Variants in INPP4B observed in about 807,000 individuals in gnomAD.
INPP4B encodes inositol polyphosphate 4-phosphatase type II.
A neutral mutation model predicts 122.5 loss-of-function variants in INPP4B; 55 were observed. That is an observed-to-expected ratio of 0.45 (90% confidence interval 0.36 to 0.56). The LOEUF (loss-of-function observed/expected upper bound fraction) is 0.56. Ranked by LOEUF, INPP4B falls within the 20% of genes least tolerant of loss-of-function variation. The probability of loss-of-function intolerance (pLI) is 0.00; values close to 1 mark genes in which losing one functional copy is unlikely to be tolerated. For missense variants in INPP4B, 1,000 were observed against 1,097.7 expected (o/e 0.91, Z 1.26); for synonymous variants, 403 against 388.7 (o/e 1.04, Z -0.43).
At chr4:142,725,952 C>A (rs978502546) in intron 1 of INPP4B, 51 bp from the exon 2 acceptor site, 2 of 396,944 alleles carry the variant, frequency 5.0e-6, no homozygotes, top group South Asian at 2.6e-4. Context: ...CTTTTTTCCT[C>A]TTTAAATGCT....
At chr4:142,427,722 T>C (rs1029014646) in intron 5 of INPP4B, among the ~76,000 whole-genome samples, 4 of 152,034 alleles carry the variant, frequency 2.6e-5, no homozygotes, top group African/African-American at 7.2e-5. Context: ...TTATTTGTGC[T>C]TGGAAATATA....
intron 9 of INPP4B, 29 bp from the exon 10 acceptor site, chr4:142,270,803 G>A (rs373832157): frequency 4.8e-6 from 7 of 1,446,656 alleles, no homozygotes; most frequent in Non-Finnish European, 6.8e-6. Context: ...GAAATGGAAA[G>A]GTAAGAAGCT....
At position 142,729,135 on chromosome 4, in the gene INPP4B, G is replaced by A. The variant is rs534660198; in HGVS notation, c.-253-3234C>T. Among the ~76,000 whole-genome samples the A allele has an allele frequency of 6.8e-4, 103 of 152,202 alleles. 2 individuals are homozygous for A. Among genetic ancestry groups the A allele is most frequent in the African/African-American group, 1.7e-3 (69 of 41,542 alleles). ...CCCTTGCATGTGCAGCTCACAAGAG[G>A]GTTCATGCTCCTATGAGAATCTAAT... is the stretch of plus-strand genomic sequence containing the variant. On this transcript the variant is annotated intron_variant, in intron 1 of 25. Coordinates refer to ENST00000262992, the MANE Select transcript of INPP4B (RefSeq NM_001101669.3).
intron 7 of INPP4B, among the ~76,000 whole-genome samples, chr4:142,339,262 G>A (rs139200839): frequency 1.2e-4 from 18 of 152,244 alleles, no homozygotes; most frequent in African/African-American, 2.6e-4. Flanking sequence ...TGCAAGTGCC[G>A]TCTGTTTGCT....
chr4:142,202,287 T>C (rs1840956950), intron 14 of INPP4B, among the ~76,000 whole-genome samples: 1 of 152,030 alleles, frequency 6.6e-6, no homozygotes. Flanking sequence ...TTTCTAAAAT[T>C]CCTACAACTA....
upstream of INPP4B, among the ~76,000 whole-genome samples, chr4:142,846,495 G>A (rs886131127): frequency 6.6e-6 from 1 of 152,060 alleles, no homozygotes; most frequent in Non-Finnish European, 1.5e-5. The surrounding 1 kb of genome is among the most constrained non-coding windows in gnomAD (Gnocchi z 5.1). Context: ...CCCCGCGCGC[G>A]CCCCAGAGAA....
intron 1 of INPP4B, among the ~76,000 whole-genome samples, chr4:142,841,997 A>C (rs1783557028): frequency 6.6e-6 from 1 of 151,874 alleles, no homozygotes; most frequent in African/African-American, 2.4e-5. Flanking sequence ...AGATAGATCG[A>C]TAGACAGATA....
chr4:142,046,286 AGC>A (rs1751373099), intron 25 of INPP4B, among the ~76,000 whole-genome samples: 4 of 152,152 alleles, frequency 2.6e-5, no homozygotes, highest in Non-Finnish European at 5.9e-5. Context: ...ATATTTGTTG[AGC>A]ATATACGATG....
chr4:142,702,623 G>A (rs1037415051), intron 2 of INPP4B, among the ~76,000 whole-genome samples: 12 of 151,220 alleles, frequency 7.9e-5, no homozygotes, highest in Non-Finnish European at 1.0e-4. Context: ...CCAGCTACTC[G>A]GGAGGCTGAG....
rs199666122 is a variant in INPP4B, at chr4:142,246,635, A to C, written c.689-8624T>G. 3.0e-4 allele frequency among the ~76,000 whole-genome samples: 46 copies of C among 152,124 alleles called. No homozygotes were observed. In the East Asian group the frequency reaches 8.9e-3, roughly 29 times the overall value. On this transcript the variant is annotated intron_variant, in intron 11 of 25. Transcript: ENST00000262992. ...TGTATAGGAATGCCTGTGATTTTTG[A>C]ACATTGATTTTGTATTCTGAGACTT...
At position 142,189,909 on chromosome 4, in the gene INPP4B, C is replaced by T. The variant is rs979171615; in HGVS notation, c.1181+3178G>A. Among the ~76,000 whole-genome samples the T allele has an allele frequency of 5.2e-4, 79 of 152,168 alleles. 1 individual carries two copies. Among genetic ancestry groups the T allele is most frequent in the Non-Finnish European group, 1.1e-3 (73 of 68,012 alleles). On this transcript the variant is annotated intron_variant, in intron 15 of 25. Coordinates refer to ENST00000262992, the MANE Select transcript of INPP4B (RefSeq NM_001101669.3). ...AAACTGTGCTTTAAAAGTTCAGTCT[C>T]CCTAATTATCTTGTAATTTTAATAA... is the stretch of plus-strand genomic sequence containing the variant.
chr4:142,247,947 G>C (rs893393602), intron 11 of INPP4B, among the ~76,000 whole-genome samples: 2 of 152,058 alleles, frequency 1.3e-5, no homozygotes, highest in African/African-American at 2.4e-5. Context: ...TACACCTGTT[G>C]TTTACCATTT....
chr4:142,517,865 G>C (rs1003473962), intron 2 of INPP4B, among the ~76,000 whole-genome samples: 12 of 152,130 alleles, frequency 7.9e-5, no homozygotes, highest in Non-Finnish European at 1.2e-4. Context: ...CAGATTCATA[G>C]CTAAAATTCA....
intron 7 of INPP4B, among the ~76,000 whole-genome samples, chr4:142,379,635 T>C (rs1307793614): frequency 1.3e-5 from 2 of 152,218 alleles, no homozygotes; most frequent in Admixed American, 6.5e-5. Context: ...CTATAAAACC[T>C]TACAGTAATT....
chr4:142,624,166 C>A (rs1745696192), intron 2 of INPP4B, among the ~76,000 whole-genome samples: 1 of 151,884 alleles, frequency 6.6e-6, no homozygotes, highest in Non-Finnish European at 1.5e-5. Context: ...AATGGTTGAA[C>A]TAGTTTACAG....
chr4:142,403,629 T>C (rs947222284), intron 6 of INPP4B, among the ~76,000 whole-genome samples: 2 of 152,162 alleles, frequency 1.3e-5, no homozygotes, highest in Non-Finnish European at 2.9e-5. Context: ...TAGCTCAGGA[T>C]GCAGTGCACA....
chr4:142,325,500 G>A (rs1319926194), intron 7 of INPP4B, among the ~76,000 whole-genome samples: 1 of 152,050 alleles, frequency 6.6e-6, no homozygotes, highest in African/African-American at 2.4e-5. Flanking sequence ...TGCTATCTTG[G>A]GTTTTACTCA....
At chr4:142,415,531 AG>A (rs1805521544) in intron 5 of INPP4B, among the ~76,000 whole-genome samples, 1 of 152,174 alleles carries the variant, frequency 6.6e-6, no homozygotes, top group African/African-American at 2.4e-5. Flanking sequence ...GTGGAGAAAT[AG>A]GAACACTTTT....
At chr4:142,081,964 G>GAA in intron 25 of INPP4B, 67 bp downstream of exon 25, 6 of 1,002,300 alleles carry the variant, frequency 6.0e-6, no homozygotes, top group African/African-American at 1.7e-5. Flanking sequence ...TATGTATTTT[G>GAA]AAAAAAAAAA....
Sources: gnomAD v4.1 joint callset for allele counts (sites outside exome capture counted in the v4.1 genomes callset) on GRCh38, gnomAD v4.1.1 for gene constraint, Gnocchi (gnomAD v3.1) non-coding constraint, MANE v1.5 for transcripts, NCBI Gene and HGNC (gene_info 2026-07-23, HGNC 2026-07-21) for gene names.